Variants in SLX4IP observed in about 807,000 individuals in gnomAD.
The protein encoded by SLX4IP is protein SLX4IP.
In SLX4IP, 34 loss-of-function variants were observed where a neutral mutation model predicts 32.9. That is an observed-to-expected ratio of 1.03 (90% CI 0.79 to 1.38). The LOEUF (loss-of-function observed/expected upper bound fraction) is 1.38, where lower values mean the gene tolerates loss of function less well. SLX4IP is among the 40% of genes most tolerant of loss of function. SLX4IP has a pLI of 0.00. For missense variants in SLX4IP, 444 were observed against 479.0 expected, an observed-to-expected ratio of 0.93 and a Z score of 0.68; for synonymous variants, 172 against 171.7, an observed-to-expected ratio of 1.00 and a Z score of -0.01.
chr20:10,588,836 G>A (rs1482781278), intron 4 of SLX4IP, among the ~76,000 whole-genome samples: 1 of 152,144 alleles, frequency 6.6e-6, no homozygotes, highest in African/African-American at 2.4e-5. Context: ...TCAGTTATAA[G>A]GTGAATAAGT....
chr20:10,507,427 C>T (rs140944300), intron 2 of SLX4IP, among the ~76,000 whole-genome samples: 6 of 152,074 alleles, frequency 3.9e-5, no homozygotes, highest in Admixed American at 2.0e-4. Context: ...GTATAGTCCA[C>T]GGCAGGGGTT....
intron 1 of SLX4IP, among the ~76,000 whole-genome samples, chr20:10,442,820 A>G (rs887173222): frequency 3.9e-5 from 6 of 152,202 alleles, no homozygotes; most frequent in Admixed American, 2.0e-4. Context: ...CTTTTTAATG[A>G]TCAGTAAAAA....
intron 2 of SLX4IP, among the ~76,000 whole-genome samples, chr20:10,500,736 G>A (rs2065711029): frequency 6.6e-6 from 1 of 152,176 alleles, no homozygotes; most frequent in South Asian, 2.1e-4. Flanking sequence ...GGATGACAGA[G>A]CGAGACCCTG....
chr20:10,445,977 A>G (rs1009356696), intron 1 of SLX4IP, among the ~76,000 whole-genome samples: 2 of 148,422 alleles, frequency 1.3e-5, no homozygotes, highest in African/African-American at 5.0e-5. Context: ...TATTTCCTTA[A>G]AATCCATCCA....
intron 2 of SLX4IP, among the ~76,000 whole-genome samples, chr20:10,523,796 T>C (rs1016432680): frequency 1.3e-5 from 2 of 152,250 alleles, no homozygotes; most frequent in Non-Finnish European, 2.9e-5. Context: ...CTAAAAAATC[T>C]TTTTTTAAGA....
In SLX4IP at chr20:10,625,963, G is replaced by T. The variant is rs1339930854; in HGVS notation, c.*2584G>T. 1 of 151,226 alleles carries T rather than the reference G, an allele frequency of 6.6e-6. No individual in the cohort carries two copies. Among genetic ancestry groups the T allele is most frequent in the Non-Finnish European group, 1.5e-5 (1 of 67,854 alleles). The allele number at this position is 151,226 out of a possible 1,614,324, so 9.4% of individuals were successfully genotyped here. On this transcript the variant is annotated 3_prime_UTR_variant, in exon 8 of 8. Coordinates refer to ENST00000334534, the MANE Select transcript of SLX4IP (RefSeq NM_001009608.3). ...TTTGTTGTTGTTGCTTATTAGGTAGGATATGAAGAGTTCTCACTGTTGGGA... is the reference window on the plus strand; with the variant it reads ...TTTGTTGTTGTTGCTTATTAGGTAGTATATGAAGAGTTCTCACTGTTGGGA...
At chr20:10,443,840 T>C (rs1307145817) in intron 1 of SLX4IP, among the ~76,000 whole-genome samples, 1 of 152,144 alleles carries the variant, frequency 6.6e-6, no homozygotes, top group Non-Finnish European at 1.5e-5. Flanking sequence ...TGTTTAAAAG[T>C]GTATAGTACC....
intron 6 of SLX4IP, chr20:10,614,069 G>T (rs2066998985): frequency 1.9e-6 from 3 of 1,542,546 alleles, no homozygotes; most frequent in East Asian, 2.3e-5. Flanking sequence ...CCTCCTTGTC[G>T]CCCTCGCCCA....
intron 4 of SLX4IP, among the ~76,000 whole-genome samples, chr20:10,572,291 G>C (rs1185534843): frequency 2.0e-5 from 3 of 152,164 alleles, no homozygotes; most frequent in Non-Finnish European, 4.4e-5. Context: ...CATTGCTTTG[G>C]TATCCCTATT....
intron 2 of SLX4IP, among the ~76,000 whole-genome samples, chr20:10,528,739 G>T (rs969804909): frequency 6.6e-6 from 1 of 152,110 alleles, no homozygotes; most frequent in African/African-American, 2.4e-5. Flanking sequence ...TGATACCCAT[G>T]TGAAGATCCA....
At chr20:10,609,086 G>A (rs1600152929) in intron 6 of SLX4IP, among the ~76,000 whole-genome samples, 1 of 151,156 alleles carries the variant, frequency 6.6e-6, no homozygotes, top group South Asian at 2.1e-4. Flanking sequence ...GGAGGAAGAG[G>A]AGGAGGAGAA....
intron 2 of SLX4IP, among the ~76,000 whole-genome samples, chr20:10,459,330 A>G (rs1442014643): frequency 2.0e-5 from 3 of 152,054 alleles, no homozygotes; most frequent in Non-Finnish European, 4.4e-5. Flanking sequence ...CACTGTGATG[A>G]TAGTTTCTTT....
chr20:10,489,074 C>T (rs568512777), intron 2 of SLX4IP, among the ~76,000 whole-genome samples: 1 of 152,248 alleles, frequency 6.6e-6, no homozygotes, highest in African/African-American at 2.4e-5. Flanking sequence ...ACAAGGGAAC[C>T]TGCCCATAGA....
At chr20:10,568,285 C>T (rs2066419264) in intron 4 of SLX4IP, among the ~76,000 whole-genome samples, 1 of 152,188 alleles carries the variant, frequency 6.6e-6, no homozygotes, top group South Asian at 2.1e-4. Context: ...ATGAAGTTCC[C>T]TGTAGATTCA....
chr20:10,526,893 A>C (rs2065944119), intron 2 of SLX4IP, among the ~76,000 whole-genome samples: 1 of 152,302 alleles, frequency 6.6e-6, no homozygotes, highest in Middle Eastern at 3.4e-3. Context: ...CAGAGGTTGC[A>C]GTGAGCCAAG....
intron 2 of SLX4IP, among the ~76,000 whole-genome samples, chr20:10,489,199 T>C (rs375125820): frequency 7.2e-4 from 109 of 152,290 alleles, no homozygotes; most frequent in African/African-American, 2.4e-3. Context: ...CGAGGAGTTC[T>C]GTATGGGGTC....
At chr20:10,465,742 G>A (rs895636539) in intron 2 of SLX4IP, among the ~76,000 whole-genome samples, 2 of 152,358 alleles carry the variant, frequency 1.3e-5, no homozygotes, top group African/African-American at 4.8e-5. Flanking sequence ...CTGACTTTTA[G>A]TGATCCGCCT....
At chr20:10,565,806 T>C (rs1244810547) in intron 4 of SLX4IP, among the ~76,000 whole-genome samples, 2 of 152,296 alleles carry the variant, frequency 1.3e-5, no homozygotes, top group East Asian at 3.9e-4. Context: ...ACAAAGGAAA[T>C]GTGCTCACCA....
rs2066881790 is a variant in SLX4IP, at chr20:10,604,478, G to C, written c.405+2659G>C. Among the ~76,000 whole-genome samples the C allele has an allele frequency of 2.6e-5, 4 of 152,080 alleles. No homozygotes were observed. In the South Asian group the frequency reaches 8.3e-4, roughly 31 times the overall value. On this transcript the variant is annotated intron_variant, in intron 6 of 7. Transcript: ENST00000334534. ...CGTCTATTCAAAACTCCTCTGTCAA[G>C]GGATTCTTTCAACCTGTAGACAAGG... is the stretch of plus-strand genomic sequence containing the variant.
Sources: gnomAD v4.1 joint callset for allele counts (sites outside exome capture counted in the v4.1 genomes callset) on GRCh38, gnomAD v4.1.1 for gene constraint, MANE v1.5 for transcripts, NCBI Gene and HGNC (gene_info 2026-07-23, HGNC 2026-07-21) for gene names.